The following GTF3C5 variants were observed in gnomAD, a reference collection of about 807,000 sequenced individuals.
The protein encoded by GTF3C5 is general transcription factor 3C polypeptide 5.
In GTF3C5, 47 loss-of-function variants were observed where a neutral mutation model predicts 61.0. The ratio of observed to expected loss-of-function variants is 0.77; its 90% CI spans 0.61 to 0.98. The LOEUF is 0.98. GTF3C5 is among the 50% of genes least tolerant of loss of function. The pLI is 0.00. For synonymous variants in GTF3C5, 295 were observed against 275.4 expected (o/e 1.07, Z -0.71); for missense variants, 659 against 703.3 (o/e 0.94, Z 0.71).
At chr9:133,053,983 CT>C in intron 6 of GTF3C5, 41 bp downstream of exon 6, 1 of 1,187,130 alleles carries the variant, frequency 8.4e-7, no homozygotes, top group Non-Finnish European at 1.2e-6. Flanking sequence ...CTTTCTCTCT[CT>C]TTATCTTTCA....
intron 4 of GTF3C5, 35 bp from the exon 5 acceptor site, chr9:133,052,025 G>A: frequency 8.7e-7 from 1 of 1,143,456 alleles, no homozygotes; most frequent in Non-Finnish European, 1.3e-6. Context: ...GAAGCTGCTG[G>A]TGCTCATCTC....
At chr9:133,051,371 C>G (rs541020158) in intron 4 of GTF3C5, among the ~76,000 whole-genome samples, 1 of 152,346 alleles carries the variant, frequency 6.6e-6, no homozygotes, top group African/African-American at 2.4e-5. Context: ...AGCCCTCCTT[C>G]CCCGGGCTTG....
intron 3 of GTF3C5, among the ~76,000 whole-genome samples, chr9:133,050,174 G>A (rs1219284947): frequency 6.6e-6 from 1 of 152,154 alleles, no homozygotes; most frequent in Non-Finnish European, 1.5e-5. Context: ...CTCGATGGGA[G>A]TCCCAGCTCC....
rs535438644 is a variant in GTF3C5 at position 133,039,917 on chromosome 9, C to T, written c.154-2170C>T. On this transcript the variant is annotated intron_variant, in intron 1 of 10. Coordinates refer to ENST00000372097, the MANE Select transcript of GTF3C5 (RefSeq NM_012087.4). Reference sequence around the variant, plus strand: ...AGGGGATTTGAACTCATGCTTTGCTCTAGAGTCTGAACTTTTACCTGCTGC... The same window carrying T: ...AGGGGATTTGAACTCATGCTTTGCTTTAGAGTCTGAACTTTTACCTGCTGC... Among the ~76,000 whole-genome samples, 5 of 152,316 alleles carry T rather than the reference C, an allele frequency of 3.3e-5. No homozygotes were observed. In the East Asian group the frequency reaches 9.6e-4, roughly 29 times the overall value.
chr9:133,050,186 T>A (rs1029365000), intron 3 of GTF3C5, among the ~76,000 whole-genome samples: 1 of 152,126 alleles, frequency 6.6e-6, no homozygotes, highest in African/African-American at 2.4e-5. Context: ...CCCAGCTCCT[T>A]CCCAGGAGCT....
intron 1 of GTF3C5, 94 bp from the exon 2 acceptor site, chr9:133,041,993 G>C (rs1348535270): frequency 1.2e-6 from 1 of 825,018 alleles, no homozygotes; most frequent in Non-Finnish European, 2.0e-6. Context: ...GCCTTTCCTG[G>C]ATCACCGTCA....
intron 3 of GTF3C5, chr9:133,044,169 A>T: frequency 1.9e-6 from 1 of 515,292 alleles, no homozygotes; most frequent in Non-Finnish European, 3.5e-6. Flanking sequence ...AAAAAAAAAA[A>T]GAAAATGGGA....
rs1564198625 is a variant in GTF3C5, at chr9:133,044,145, CCAAAAA to C, written c.572+220_572+225del. On this transcript the variant is annotated intron_variant, in intron 3 of 10. Coordinates refer to ENST00000372097, the MANE Select transcript of GTF3C5 (RefSeq NM_012087.4). The stretch of plus-strand genomic sequence containing the variant: ...GGGTGACAGAGTGAGACTTTGTCTC[CCAAAAA>C]AAAAAAAAAAAAAAAAAAGAAAATG... The C allele has an allele frequency of 9.9e-5, 14 of 140,826 alleles. No homozygotes were observed. The South Asian group carries it at 1.6e-3, about 16-fold the overall frequency. 8.7% of individuals were successfully genotyped at this position (140,826 alleles called of 1,614,324 possible).
chr9:133,033,306 A>G (rs1487319854), intron 1 of GTF3C5, among the ~76,000 whole-genome samples: 4 of 152,112 alleles, frequency 2.6e-5, no homozygotes, highest in Non-Finnish European at 4.4e-5. Flanking sequence ...CTTCTGGTTG[A>G]TGAAATGCCA....
intron 3 of GTF3C5, among the ~76,000 whole-genome samples, chr9:133,047,524 CTT>C (rs544180537): frequency 1.6e-4 from 23 of 144,124 alleles, no homozygotes; most frequent in Admixed American, 2.1e-4. Context: ...ATGATCCTTC[CTT>C]TTTTTTTTTT....
At chr9:133,031,941 C>G (rs1210150487) in intron 1 of GTF3C5, among the ~76,000 whole-genome samples, 1 of 152,076 alleles carries the variant, frequency 6.6e-6, no homozygotes, top group Non-Finnish European at 1.5e-5. Context: ...TTTACTGAAA[C>G]TAGGGGCAAG....
intron 1 of GTF3C5, among the ~76,000 whole-genome samples, chr9:133,031,837 C>T (rs1011992694): frequency 3.9e-5 from 6 of 151,934 alleles, no homozygotes; most frequent in Non-Finnish European, 8.8e-5. Context: ...GCCTGAGTGG[C>T]GGGGTGAGTA....
rs1829871917 is a variant in GTF3C5, at chr9:133,054,571, T to C, written c.1069+83T>C. On this transcript the variant is annotated intron_variant, in intron 7 of 10. Coordinates refer to ENST00000372097, the MANE Select transcript of GTF3C5 (RefSeq NM_012087.4). The stretch of plus-strand genomic sequence containing the variant: ...ACCTGGACCCAGACGGGGAGGTGGT[T>C]CCTGGGGGTCACTCCAGGGCTCTGC... The C allele has an allele frequency of 2.2e-5, 32 of 1,448,938 alleles. No homozygotes were observed. In the South Asian group the frequency reaches 3.6e-4, roughly 16 times the overall value. 89.8% of individuals were successfully genotyped at this position (1,448,938 alleles called of 1,614,324 possible). A position where few individuals can be genotyped will look rare whatever the true frequency, so the allele number is the denominator to read the frequency against.
At position 133,058,294 on chromosome 9, in the gene GTF3C5, G is replaced by A. The variant is rs1045786499; in HGVS notation, c.*314G>A. On this transcript the variant is annotated 3_prime_UTR_variant, in exon 11 of 11. Coordinates refer to ENST00000372097, the MANE Select transcript of GTF3C5 (RefSeq NM_012087.4). ...CTCAGGATGAGACCAGTAAATGCCG[G>A]AGGTGGAGCTGGGCAGCTGTGGAGC... 19 of 425,932 alleles carry A rather than the reference G, an allele frequency of 4.5e-5. No homozygotes were observed. Among genetic ancestry groups the A allele is most frequent in the Admixed American group, 4.9e-5 (1 of 20,396 alleles). The allele number at this position is 425,932 out of a possible 1,614,324, so 26.4% of individuals were successfully genotyped here. A position where few individuals can be genotyped will look rare whatever the true frequency, so the allele number is the denominator to read the frequency against.
intron 7 of GTF3C5, 47 bp from the exon 8 acceptor site, chr9:133,054,662 ACCT>A (rs1287006585): frequency 4.3e-5 from 64 of 1,485,350 alleles, no homozygotes; most frequent in Non-Finnish European, 5.8e-5. Flanking sequence ...TGGGAGAGAC[ACCT>A]CCTCCCCACC....
At chr9:133,039,216 C>T (rs1196793821) in intron 1 of GTF3C5, among the ~76,000 whole-genome samples, 2 of 152,164 alleles carry the variant, frequency 1.3e-5, no homozygotes, top group African/African-American at 4.8e-5. Flanking sequence ...TGGCAATTAT[C>T]TGCCTCCTCA....
At chr9:133,054,573 C>A in intron 7 of GTF3C5, 85 bp downstream of exon 7, 2 of 1,445,156 alleles carry the variant, frequency 1.4e-6, no homozygotes, top group Non-Finnish European at 1.9e-6. Flanking sequence ...GAGGTGGTTC[C>A]TGGGGGTCAC....
At position 133,043,816 on chromosome 9, in the gene GTF3C5, C is replaced by G. The variant is rs369628277; in HGVS notation, c.462C>G (p.Pro154=). ...SMYDKVLMLR[P]EKEAFFHQEL... is the part of the protein sequence containing the mutation. Reference sequence around the variant, plus strand: ...ATGACAAGGTGCTCATGCTCCGGCCCGAGAAGGAGGCCTTTTTCCACCAGG... The same window carrying G: ...ATGACAAGGTGCTCATGCTCCGGCCGGAGAAGGAGGCCTTTTTCCACCAGG... Residue 154 remains proline (P), a synonymous_variant, in exon 3 of 11, where the codon CCC becomes CCG. Transcript: ENST00000372097. 3.1e-6 allele frequency: 5 copies of G among 1,613,938 alleles called. No individual in the cohort carries two copies. Among genetic ancestry groups the G allele is most frequent in the East Asian group, 2.2e-5 (1 of 44,892 alleles).
intron 1 of GTF3C5, among the ~76,000 whole-genome samples, chr9:133,032,321 A>T (rs1761776035): frequency 6.6e-6 from 1 of 152,002 alleles, no homozygotes; most frequent in African/African-American, 2.4e-5. Context: ...AGCTAATCTC[A>T]ATTGGCTATT....
Sources: allele counts gnomAD v4.1 joint callset (sites outside exome capture counted in the v4.1 genomes callset), GRCh38; gene constraint gnomAD v4.1.1; transcripts MANE v1.5; gene names NCBI Gene and HGNC (gene_info 2026-07-23, HGNC 2026-07-21).